The following HOXA3 variants were observed in gnomAD, a reference collection of about 807,000 sequenced individuals.
The protein encoded by HOXA3 is homeobox A3.
A neutral mutation model predicts 30.3 loss-of-function variants in HOXA3; 8 were observed. The observed-to-expected ratio is 0.26, with a 90% CI of 0.15 to 0.48. The LOEUF is 0.48. HOXA3 is among the 20% of genes least tolerant of loss of function. The pLI is 0.99. For synonymous variants in HOXA3, 323 were observed against 273.1 expected, an observed-to-expected ratio of 1.18 and a Z score of -1.80; for missense variants, 653 against 614.4, an observed-to-expected ratio of 1.06 and a Z score of -0.66.
At chr7:27,130,816 C>T in intron 2 of HOXA3, 3 of 1,357,354 alleles carry the variant, frequency 2.2e-6, no homozygotes, top group Non-Finnish European at 1.0e-6. Flanking sequence ...CCTCCTGCCT[C>T]GCTTCCCATC....
Position 27,108,444 on chromosome 7 carries a change from G to A in HOXA3, c.803C>T (p.Pro268Leu). Residue 268 changes from proline (P) to leucine (L), a missense_variant, in exon 6 of 6, where the codon CCC becomes CTC. Pro to Leu is a moderately conservative substitution (Grantham distance 98). Coordinates refer to ENST00000612286, the MANE Select transcript of HOXA3 (RefSeq NM_153631.3). The surrounding 1 kb of genome is among the most constrained non-coding windows in gnomAD (Gnocchi z 5.0). ...ATAGCCACCGGCTCCGGGGGGCACG[G>A]GGCTGCGACTTGGAGACTGGCCCCC... ...SSGGQSPSRS[P>L]VPPGAGGYLN... 1 of 1,614,028 alleles carries A rather than the reference G, an allele frequency of 6.2e-7. No homozygotes were observed. Among genetic ancestry groups the A allele is most frequent in the Non-Finnish European group, 8.5e-7 (1 of 1,179,964 alleles).
At chr7:27,135,641 C>G (rs544398926) in intron 2 of HOXA3, among the ~76,000 whole-genome samples, 45 of 152,332 alleles carry the variant, frequency 3.0e-4, no homozygotes, top group African/African-American at 6.0e-4. Flanking sequence ...TAGGGGTCAT[C>G]ATGTGTACTA....
chr7:27,147,982 G>C (rs1038026249), intron 1 of HOXA3, among the ~76,000 whole-genome samples: 1 of 152,064 alleles, frequency 6.6e-6, no homozygotes, highest in African/African-American at 2.4e-5. Context: ...CCGCCCGCCC[G>C]CCGCCCGCCC....
chr7:27,145,036 G>C (rs1782702010), intron 1 of HOXA3, among the ~76,000 whole-genome samples: 1 of 152,216 alleles, frequency 6.6e-6, no homozygotes, highest in African/African-American at 2.4e-5. Flanking sequence ...CTCTTCCACT[G>C]ACGGTTGCAC....
intron 2 of HOXA3, chr7:27,130,619 C>T (rs781430639): frequency 2.6e-6 from 4 of 1,558,730 alleles, no homozygotes; most frequent in Non-Finnish European, 2.6e-6. Context: ...TAGCCGGGGC[C>T]CCCGCCCGGG....
At chr7:27,130,102 A>G in intron 2 of HOXA3, 1 of 1,584,954 alleles carries the variant, frequency 6.3e-7, no homozygotes, top group Admixed American at 1.7e-5. Context: ...CGCGCCTCCC[A>G]AGCGGCGCCA....
rs1583421721 is a variant in HOXA3, at chr7:27,113,753, G to A, written c.-120-2993C>T. On this transcript the variant is annotated intron_variant, in intron 4 of 5. Coordinates refer to ENST00000612286, the MANE Select transcript of HOXA3 (RefSeq NM_153631.3). The surrounding 1 kb of genome is among the most constrained non-coding windows in gnomAD (Gnocchi z 4.8). Reference sequence around the variant, plus strand: ...ACGGACCCTCAGCATCAGCCGAGATGGCAGGCGGGCTGGAGACCCCGAGGC... The same window carrying A: ...ACGGACCCTCAGCATCAGCCGAGATAGCAGGCGGGCTGGAGACCCCGAGGC... The A allele has an allele frequency of 6.6e-6, 1 of 152,142 alleles. No homozygotes were observed. The highest frequency in any genetic ancestry group is 2.1e-4 in the South Asian group (1 of 4,826). 9.4% of individuals were successfully genotyped at this position (152,142 alleles called of 1,614,324 possible).
intron 1 of HOXA3, chr7:27,145,735 T>C: frequency 6.2e-7 from 1 of 1,614,224 alleles, no homozygotes; most frequent in Non-Finnish European, 8.5e-7. Flanking sequence ...TTTTTCCACT[T>C]CATGCGGCGG....
intron 1 of HOXA3, chr7:27,142,106 GT>G: frequency 4.4e-6 from 7 of 1,605,762 alleles, no homozygotes; most frequent in Non-Finnish European, 5.9e-6. Flanking sequence ...AAAGTCAGCG[GT>G]TTAGCCACCA....
chr7:27,120,377 C>A (rs1282227791), intron 4 of HOXA3, among the ~76,000 whole-genome samples: 1 of 151,790 alleles, frequency 6.6e-6, no homozygotes, highest in Non-Finnish European at 1.5e-5. Context: ...CCCGTCTGTA[C>A]TAAAAATACA....
chr7:27,120,545 A>G (rs1784955093), intron 4 of HOXA3, among the ~76,000 whole-genome samples: 1 of 151,732 alleles, frequency 6.6e-6, no homozygotes, highest in African/African-American at 2.4e-5. Flanking sequence ...TCAAAAAAAA[A>G]AAAAAAAAAA....
intron 2 of HOXA3, among the ~76,000 whole-genome samples, chr7:27,127,514 G>A (rs1223277221): frequency 6.6e-6 from 1 of 152,220 alleles, no homozygotes; most frequent in Non-Finnish European, 1.5e-5. Context: ...AGGCAGGTGA[G>A]CACTTACTCC....
Position 27,152,553 on chromosome 7 carries a change from G to A in HOXA3, c.-759C>T. The A allele has an allele frequency of 8.4e-7, 1 of 1,183,498 alleles. No individual in the cohort carries two copies. The highest frequency in any genetic ancestry group is 1.6e-5 in the South Asian group (1 of 62,812). The allele number at this position is 1,183,498 out of a possible 1,614,324, so 73.3% of individuals were successfully genotyped here. A position where few individuals can be genotyped will look rare whatever the true frequency, so the allele number is the denominator to read the frequency against. On this transcript the variant is annotated 5_prime_UTR_variant, in exon 1 of 6. Transcript: ENST00000612286. ...CCCGGCTGGAAGGCAGAGCTCCGAAGCAGGCAGGACGGAGCGGAGCAAAAG... is the reference window on the plus strand; with the variant it reads ...CCCGGCTGGAAGGCAGAGCTCCGAAACAGGCAGGACGGAGCGGAGCAAAAG...
At chr7:27,148,038 C>T (rs1365676554) in intron 1 of HOXA3, among the ~76,000 whole-genome samples, 2 of 152,398 alleles carry the variant, frequency 1.3e-5, no homozygotes, top group East Asian at 3.9e-4. Flanking sequence ...GCTCTCTTCC[C>T]GAACGCCAGC....
intron 2 of HOXA3, among the ~76,000 whole-genome samples, chr7:27,132,688 T>C (rs1308760347): frequency 2.0e-5 from 3 of 152,086 alleles, no homozygotes; most frequent in Admixed American, 6.5e-5. Context: ...GGAGGAAAAA[T>C]TTAGAATGTG....
rs777935073 is a variant in HOXA3 at position 27,110,675 on chromosome 7, CAG to C, written c.-37_-36del. On this transcript the variant is annotated 5_prime_UTR_variant, in exon 5 of 6. Coordinates refer to ENST00000612286, the MANE Select transcript of HOXA3 (RefSeq NM_153631.3). ...TCACGATCTTGATCGCACACTCTGACAGGGGTTTGACACCCGTGAGGGCGCAC... is the reference window on the plus strand; with the variant it reads ...TCACGATCTTGATCGCACACTCTGACGGGTTTGACACCCGTGAGGGCGCAC... 3 of 1,590,970 alleles carry C rather than the reference CAG, an allele frequency of 1.9e-6. No individual in the cohort carries two copies. The African/African-American group carries it at 4.0e-5, about 21-fold the overall frequency.
chr7:27,142,633 T>G, intron 1 of HOXA3: 2 of 199,616 alleles, frequency 1.0e-5, no homozygotes, highest in Non-Finnish European at 2.0e-5. Flanking sequence ...TTTCGGGGGC[T>G]GTAATTAGTA....
intron 4 of HOXA3, among the ~76,000 whole-genome samples, chr7:27,116,823 A>G (rs2128045834): frequency 6.6e-6 from 1 of 152,342 alleles, no homozygotes; most frequent in African/African-American, 2.4e-5. Context: ...GGGGTGTTTT[A>G]GAGCACTTGA....
Position 27,125,509 on chromosome 7 carries a change from G to A in HOXA3, c.-205+1377C>T, listed in dbSNP as rs17500695. Among the ~76,000 whole-genome samples the A allele has an allele frequency of 5.5e-3, 839 of 152,322 alleles. 12 individuals carry two copies. The highest frequency in any genetic ancestry group is 0.019 in the African/African-American group (805 of 41,566). ...CAGCAGCCTCCCTCATACCATCAAG[G>A]GAACAGAACACACGTCTCTTCCTCC... On this transcript the variant is annotated intron_variant, in intron 3 of 5. Transcript: ENST00000612286.
Sources: gnomAD v4.1 joint callset for allele counts (sites outside exome capture counted in the v4.1 genomes callset) on GRCh38, gnomAD v4.1.1 for gene constraint, Gnocchi (gnomAD v3.1) non-coding constraint, MANE v1.5 for transcripts, NCBI Gene and HGNC (gene_info 2026-07-23, HGNC 2026-07-21) for gene names.